Variants in TTC7A observed in about 807,000 individuals in gnomAD.
TTC7A encodes the protein tetratricopeptide repeat domain 7A.
In TTC7A, 110 loss-of-function variants were observed where a neutral mutation model predicts 103.7. The ratio of observed to expected loss-of-function variants is 1.06; its 90% CI spans 0.91 to 1.24. TTC7A has a LOEUF of 1.24. Among genes scored for constraint, TTC7A ranks in the 50% most tolerant of loss-of-function variants. The pLI is 0.00. For missense variants in TTC7A, 1,340 were observed against 1,116.3 expected (o/e 1.20, Z -2.86); for synonymous variants, 521 against 467.9 (o/e 1.11, Z -1.47).
intron 15 of TTC7A, among the ~76,000 whole-genome samples, chr2:47,041,495 G>C (rs1403612201): frequency 6.6e-6 from 1 of 152,206 alleles, no homozygotes; most frequent in Non-Finnish European, 1.5e-5. Flanking sequence ...GCTCAAGCCT[G>C]TAATCCCAGC....
At chr2:46,986,600 A>G (rs866793888) in intron 5 of TTC7A, among the ~76,000 whole-genome samples, 9 of 152,164 alleles carry the variant, frequency 5.9e-5, no homozygotes, top group African/African-American at 2.2e-4. Flanking sequence ...CAAGGGGCCA[A>G]GAGTAGAGCA....
chr2:47,003,671 C>T (rs576087358), intron 8 of TTC7A, among the ~76,000 whole-genome samples: 150 of 152,320 alleles, frequency 9.8e-4, no homozygotes, highest in African/African-American at 3.5e-3. Context: ...TGGCTCCACC[C>T]GCTCCCATCA....
At chr2:46,978,286 G>C (rs1207156016) in intron 4 of TTC7A, 1 of 153,500 alleles carries the variant, frequency 6.5e-6, no homozygotes, top group Non-Finnish European at 1.4e-5. Context: ...GCCTGGCTCC[G>C]CCACCACCTG....
At position 47,059,112 on chromosome 2, in the gene TTC7A, C is replaced by A. The variant is rs182444635; in HGVS notation, c.2153-1657C>A. 9.4e-4 allele frequency among the ~76,000 whole-genome samples: 140 copies of A among 149,346 alleles called. 1 individual carries two copies. The highest frequency in any genetic ancestry group is 2.4e-4 in the Non-Finnish European group (16 of 67,578). On this transcript the variant is annotated intron_variant, in intron 18 of 19. Transcript: ENST00000319190. ...TCGCAGCTCACCACAACCTCCGCCT[C>A]CCAGATTCAATGAACTCTCTGCCTC...
At chr2:46,942,133 C>G (rs997512843) in intron 1 of TTC7A, among the ~76,000 whole-genome samples, 1 of 152,204 alleles carries the variant, frequency 6.6e-6, no homozygotes, top group Non-Finnish European at 1.5e-5. Context: ...ACGTTGAAAA[C>G]GGAGCTCCGT....
intron 6 of TTC7A, chr2:46,994,093 G>C (rs1484103170): frequency 6.5e-6 from 3 of 460,258 alleles, no homozygotes; most frequent in Non-Finnish European, 1.2e-5. Flanking sequence ...AGGAGAGGGA[G>C]GAAATGCTCC....
chr2:47,000,007 T>C (rs13402320), intron 8 of TTC7A: 4 of 698,480 alleles, frequency 5.7e-6, no homozygotes, highest in Non-Finnish European at 5.3e-6. Context: ...TGTGGCCTGG[T>C]TGAGCTTCTT....
At chr2:46,985,036 T>C (rs1018884453) in intron 5 of TTC7A, among the ~76,000 whole-genome samples, 1 of 152,152 alleles carries the variant, frequency 6.6e-6, no homozygotes, top group South Asian at 2.1e-4. Flanking sequence ...TAGAGCCTGC[T>C]TCCCCCTGTC....
chr2:47,074,222 A>C lies in TTC7A; in HGVS notation c.*299A>C. The C allele has an allele frequency of 6.9e-6, 3 of 434,016 alleles. No individual in the cohort carries two copies. Among genetic ancestry groups the C allele is most frequent in the Non-Finnish European group, 8.4e-6 (2 of 236,914 alleles). The allele number at this position is 434,016 out of a possible 1,614,324, so 26.9% of individuals were successfully genotyped here. The stretch of plus-strand genomic sequence containing the variant: ...GCGGGGAGCCTCACAGCTGTCCTTC[A>C]CCCTCACCCATGCCTCTGGCTTGGA... On this transcript the variant is annotated 3_prime_UTR_variant, in exon 20 of 20. Coordinates refer to ENST00000319190, the MANE Select transcript of TTC7A (RefSeq NM_020458.4).
At chr2:46,949,654 A>G (rs1671235929) in intron 1 of TTC7A, among the ~76,000 whole-genome samples, 1 of 152,188 alleles carries the variant, frequency 6.6e-6, no homozygotes, top group South Asian at 2.1e-4. Flanking sequence ...ATGTTCGAGG[A>G]TTTGCCTTGG....
Position 46,981,000 on chromosome 2 carries a change from G to A in TTC7A, c.764+2093G>A, listed in dbSNP as rs115519174. 3.9e-3 allele frequency among the ~76,000 whole-genome samples: 590 copies of A among 152,302 alleles called. 6 individuals are homozygous for A. Among genetic ancestry groups the A allele is most frequent in the African/African-American group, 0.013 (556 of 41,566 alleles). ...GCCCCTCTGGGTGCACCACTGCCAC[G>A]TGTCCAGCAACCTGGAAGCTCTCCA... On this transcript the variant is annotated intron_variant, in intron 5 of 19. Transcript: ENST00000319190.
intron 17 of TTC7A, among the ~76,000 whole-genome samples, chr2:47,051,087 T>C (rs1682819910): frequency 6.6e-6 from 1 of 152,248 alleles, no homozygotes; most frequent in African/African-American, 2.4e-5. Context: ...CTTGAGCTGC[T>C]ATCCAGTCCT....
At position 47,042,962 on chromosome 2, in the gene TTC7A, C is replaced by G. The variant is rs569533388; in HGVS notation, c.1803-3353C>G. ...CTGCCAGCAGCCTCCCCCCAGCTTC[C>G]CCCAGGAGTCACAGCGTTCTGGTGA... On this transcript the variant is annotated intron_variant, in intron 15 of 19. Transcript: ENST00000319190. Among the ~76,000 whole-genome samples the G allele has an allele frequency of 2.8e-4, 43 of 152,334 alleles. No individual in the cohort carries two copies. The East Asian group carries it at 8.1e-3, about 29-fold the overall frequency.
intron 8 of TTC7A, among the ~76,000 whole-genome samples, chr2:46,997,622 C>G (rs1490635802): frequency 6.6e-6 from 1 of 152,176 alleles, no homozygotes; most frequent in African/African-American, 2.4e-5. Flanking sequence ...TCAGCAGTTT[C>G]CAAGCCCCAG....
intron 1 of TTC7A, among the ~76,000 whole-genome samples, chr2:46,946,582 A>G (rs1321852315): frequency 6.6e-6 from 1 of 151,992 alleles, no homozygotes; most frequent in Non-Finnish European, 1.5e-5. Context: ...TACCTCTAAC[A>G]TCAGCTAACT....
At chr2:47,056,605 G>A (rs1314799820) in intron 18 of TTC7A, among the ~76,000 whole-genome samples, 1 of 152,240 alleles carries the variant, frequency 6.6e-6, no homozygotes, top group Non-Finnish European at 1.5e-5. Flanking sequence ...AACCAGCTCT[G>A]GGTGCAGGGT....
intron 16 of TTC7A, chr2:47,047,121 T>C (rs1682405169): frequency 4.9e-6 from 3 of 615,974 alleles, no homozygotes; most frequent in Admixed American, 3.1e-5. Context: ...GCTTAGCCTA[T>C]GTGGCCCAAA....
chr2:46,952,655 G>A (rs1671515206), intron 2 of TTC7A, among the ~76,000 whole-genome samples: 1 of 152,146 alleles, frequency 6.6e-6, no homozygotes, highest in Non-Finnish European at 1.5e-5. Flanking sequence ...AAGAAGCTGC[G>A]GCTGGAGGGT....
At chr2:47,048,226 A>C (rs766089679) in intron 16 of TTC7A, among the ~76,000 whole-genome samples, 1 of 152,200 alleles carries the variant, frequency 6.6e-6, no homozygotes, top group Admixed American at 6.5e-5. Context: ...CTAACTGCTC[A>C]ACTTGAACGG....
Sources: allele counts gnomAD v4.1 joint callset (sites outside exome capture counted in the v4.1 genomes callset), GRCh38; gene constraint gnomAD v4.1.1; transcripts MANE v1.5; gene names NCBI Gene and HGNC (gene_info 2026-07-23, HGNC 2026-07-21).